The following CHD2 variants were observed in gnomAD, a reference collection of about 807,000 sequenced individuals.
CHD2 encodes the protein ATP-dependent chromatin remodeler CHD2.
Under a neutral mutation model 243.9 loss-of-function variants are expected in CHD2, and 28 were observed. The ratio of observed to expected loss-of-function variants is 0.11; its 90% CI spans 0.09 to 0.16. The LOEUF is 0.16. CHD2 is among the 10% of genes least tolerant of loss of function. The probability of loss-of-function intolerance (pLI) is 1.00; values close to 1 mark genes in which losing one functional copy is unlikely to be tolerated. For synonymous variants in CHD2, 775 were observed against 779.0 expected (o/e 0.99, Z 0.09); for missense variants, 1,386 against 2,209.8 (o/e 0.63, Z 7.47).
chr15:92,900,774 T>A lies in CHD2; in HGVS notation c.-122T>A, dbSNP rs2052517961. The A allele has an allele frequency of 5.1e-6, 2 of 395,696 alleles. No homozygotes were observed. Among genetic ancestry groups the A allele is most frequent in the African/African-American group, 4.1e-5 (2 of 48,458 alleles). The allele number at this position is 395,696 out of a possible 1,614,324, so 24.5% of individuals were successfully genotyped here. On this transcript the variant is annotated 5_prime_UTR_variant, in exon 1 of 39. Transcript: ENST00000394196. Reference sequence around the variant, plus strand: ...ATTTTTAATTATTTGGGATCTGATATTTTTCTACTAGTAGATAGGACTCTT... The same window carrying A: ...ATTTTTAATTATTTGGGATCTGATAATTTTCTACTAGTAGATAGGACTCTT...
chr15:92,968,279 T>G (rs1211138589), intron 17 of CHD2, among the ~76,000 whole-genome samples: 2 of 152,148 alleles, frequency 1.3e-5, no homozygotes, highest in African/African-American at 4.8e-5. Context: ...CCCAGCACTT[T>G]GGGAGGCTGA....
chr15:92,972,162 C>A, intron 18 of CHD2, 103 bp from the exon 19 acceptor site: 1 of 1,328,088 alleles, frequency 7.5e-7, no homozygotes. Flanking sequence ...CTAAGGGCTT[C>A]AGAAAGCTTT....
At chr15:92,981,752 G>A (rs919881161) in intron 24 of CHD2, among the ~76,000 whole-genome samples, 1 of 152,152 alleles carries the variant, frequency 6.6e-6, no homozygotes, top group Non-Finnish European at 1.5e-5. Context: ...AGGACGTGTG[G>A]AGCACTGTGG....
chr15:92,931,991 T>C (rs1246606676), intron 5 of CHD2, among the ~76,000 whole-genome samples: 1 of 151,678 alleles, frequency 6.6e-6, no homozygotes, highest in Non-Finnish European at 1.5e-5. Flanking sequence ...GCCTCCCGAG[T>C]AGCTGGGACT....
intron 32 of CHD2, among the ~76,000 whole-genome samples, chr15:93,001,147 G>C (rs535806133): frequency 7.7e-4 from 117 of 152,274 alleles, no homozygotes; most frequent in African/African-American, 2.7e-3. Context: ...TGGGATTACA[G>C]GCGTGAGTCA....
chr15:93,008,868 C>G (rs1441437958), intron 34 of CHD2, among the ~76,000 whole-genome samples: 1 of 152,156 alleles, frequency 6.6e-6, no homozygotes, highest in African/African-American at 2.4e-5. Flanking sequence ...GTGAGGCATG[C>G]CATGCCTCTC....
chr15:92,901,993 T>A (rs2052535263), intron 2 of CHD2: 2 of 385,624 alleles, frequency 5.2e-6, no homozygotes, highest in Non-Finnish European at 9.1e-6. Context: ...GGAATACTCT[T>A]AATATATACT....
chr15:92,972,209 G>T (rs62023144), intron 18 of CHD2, 56 bp from the exon 19 acceptor site: 41 of 1,549,538 alleles, frequency 2.6e-5, no homozygotes, highest in Non-Finnish European at 3.5e-5. Context: ...TAGAGATTAG[G>T]GAAGATTAAA....
chr15:93,003,163 C>T (rs149508014), intron 33 of CHD2, among the ~76,000 whole-genome samples: 183 of 152,042 alleles, frequency 1.2e-3, no homozygotes, highest in African/African-American at 4.0e-3. Context: ...CATGTGCCTA[C>T]GGGCCCAGTT....
intron 2 of CHD2, among the ~76,000 whole-genome samples, chr15:92,910,785 T>G (rs1286785643): frequency 4.6e-5 from 7 of 152,250 alleles, no homozygotes; most frequent in Non-Finnish European, 1.5e-5. Context: ...TGAATTTGTT[T>G]ATGCTGGTTG....
intron 2 of CHD2, among the ~76,000 whole-genome samples, chr15:92,907,891 ACCAGGAGAGTTTGTTTAGG>A (rs976027625): frequency 1.3e-5 from 2 of 152,076 alleles, no homozygotes; most frequent in African/African-American, 2.4e-5. Context: ...GTCTTGGCCT[ACCAGGAGAGTTTGTTTAGG>A]CCAGTTACAG....
At chr15:92,972,005 T>A (rs2053847918) in intron 18 of CHD2, 78 bp downstream of exon 18, 6 of 1,427,252 alleles carry the variant, frequency 4.2e-6, no homozygotes, top group Non-Finnish European at 5.7e-6. Context: ...ATGCTCTATT[T>A]CCTTGTTGGT....
rs2054139457 is a variant in CHD2 at position 92,992,931 on chromosome 15, G to A, written c.3528G>A (p.Leu1176=). Residue 1176 remains leucine, a synonymous_variant, in exon 28 of 39, where the codon CTG becomes CTA. Coordinates refer to ENST00000394196, the MANE Select transcript of CHD2 (RefSeq NM_001271.4). ...SVADLKRLGE[L]IHNSCVSAMQ... ...CAGATCTGAAGCGCCTGGGTGAACTGATCCACAACAGCTGTGTGTCAGCAA... is the reference window on the plus strand; with the variant it reads ...CAGATCTGAAGCGCCTGGGTGAACTAATCCACAACAGCTGTGTGTCAGCAA... The A allele has an allele frequency of 1.9e-6, 3 of 1,614,160 alleles. No homozygotes were observed. The East Asian group carries it at 6.7e-5, about 36-fold the overall frequency.
chr15:92,944,530 A>T lies in CHD2; in HGVS notation c.1153+15A>T. On this transcript the variant is annotated intron_variant, in intron 10 of 38. Transcript: ENST00000394196. ...AAGAGTAATAGGTAAGTACATGGTA[A>T]CTCACTTCAGCCATATTTGAACTTG... is the stretch of plus-strand genomic sequence containing the variant. 7.5e-7 allele frequency: 1 copy of T among 1,335,300 alleles called. No individual in the cohort carries two copies. The allele number at this position is 1,335,300 out of a possible 1,614,324, so 82.7% of individuals were successfully genotyped here.
At chr15:92,967,617 A>C in intron 17 of CHD2, 104 bp downstream of exon 17, 1 of 730,166 alleles carries the variant, frequency 1.4e-6, no homozygotes, top group Non-Finnish European at 2.0e-6. Flanking sequence ...TTTTTTGGAG[A>C]CAGAGTCTCG....
At chr15:92,917,819 T>TTCTTTATC (rs2052871989) in intron 2 of CHD2, among the ~76,000 whole-genome samples, 1 of 152,230 alleles carries the variant, frequency 6.6e-6, no homozygotes, top group Non-Finnish European at 1.5e-5. Flanking sequence ...GGGCTTTGTC[T>TTCTTTATC]TCTTTATAGG....
At chr15:92,962,933 T>C (rs1322416291) in intron 16 of CHD2, among the ~76,000 whole-genome samples, 1 of 152,200 alleles carries the variant, frequency 6.6e-6, no homozygotes, top group Non-Finnish European at 1.5e-5. Context: ...ATCCATTTTG[T>C]GTGATTTTAT....
intron 27 of CHD2, among the ~76,000 whole-genome samples, chr15:92,992,450 A>G (rs532890469): frequency 1.3e-5 from 2 of 152,334 alleles, no homozygotes; most frequent in African/African-American, 2.4e-5. Context: ...AAGTAGCTAT[A>G]CTCTGCTTCT....
intron 7 of CHD2, 30 bp downstream of exon 7, chr15:92,939,748 G>T: frequency 6.2e-7 from 1 of 1,602,884 alleles, no homozygotes; most frequent in Non-Finnish European, 8.5e-7. Context: ...TGTTTCACTG[G>T]TGTGATGTGA....
Sources: gnomAD v4.1 joint callset for allele counts (sites outside exome capture counted in the v4.1 genomes callset) on GRCh38, gnomAD v4.1.1 for gene constraint, MANE v1.5 for transcripts, NCBI Gene and HGNC (gene_info 2026-07-23, HGNC 2026-07-21) for gene names.